Variants in CDH7 observed in about 807,000 individuals in gnomAD.
The protein encoded by CDH7 is cadherin-7.
CDH7 carries 25 observed loss-of-function variants against 71.8 expected under a neutral mutation model. The ratio of observed to expected loss-of-function variants is 0.35; its 90% CI spans 0.25 to 0.49. CDH7 has a LOEUF of 0.49. Among genes scored for constraint, CDH7 ranks in the 20% least tolerant of loss-of-function variants. The pLI is 0.99. For missense variants in CDH7, 862 were observed against 974.6 expected (o/e 0.88, Z 1.54); for synonymous variants, 381 against 363.8 (o/e 1.05, Z -0.54).
chr18:65,772,004 G>A (rs1568176557), intron 2 of CDH7, among the ~76,000 whole-genome samples: 2 of 152,156 alleles, frequency 1.3e-5, no homozygotes, highest in East Asian at 1.9e-4. Context: ...ATTCTAGCAA[G>A]TTGTGTGTGT....
intron 1 of CDH7, among the ~76,000 whole-genome samples, chr18:65,752,883 A>G (rs1441457790): frequency 2.0e-5 from 3 of 152,244 alleles, no homozygotes; most frequent in African/African-American, 7.2e-5. Flanking sequence ...GTGCACTTAC[A>G]ACGTGAGATA....
At chr18:65,872,339 T>A (rs1460409920) in intron 11 of CDH7, among the ~76,000 whole-genome samples, 1 of 152,010 alleles carries the variant, frequency 6.6e-6, no homozygotes, top group Middle Eastern at 3.2e-3. Flanking sequence ...TATAAGAAAG[T>A]GGAAATGTGG....
intron 4 of CDH7, 130 bp downstream of exon 4, chr18:65,814,734 G>A (rs1186267150): frequency 4.2e-5 from 29 of 692,832 alleles, no homozygotes; most frequent in Non-Finnish European, 5.8e-5. Flanking sequence ...TGTCTACTTT[G>A]GTAAGCATGA....
intron 2 of CDH7, among the ~76,000 whole-genome samples, chr18:65,809,268 G>T (rs1243582550): frequency 6.6e-6 from 1 of 152,060 alleles, no homozygotes; most frequent in Admixed American, 6.5e-5. Context: ...TAATATGGGG[G>T]TTTCTAAGCA....
chr18:65,827,646 C>T (rs1912181796), intron 6 of CDH7, among the ~76,000 whole-genome samples: 1 of 151,862 alleles, frequency 6.6e-6, no homozygotes, highest in Non-Finnish European at 1.5e-5. Flanking sequence ...CGCAAACTTG[C>T]TTTCAGTTTT....
rs7228436 is a variant in CDH7, at chr18:65,814,178, A to T, written c.506-307A>T. On this transcript the variant is annotated intron_variant, in intron 3 of 11. Coordinates refer to ENST00000397968, the MANE Select transcript of CDH7 (RefSeq NM_004361.5). ...ATATTACCTGAGCCCAATGGATGAG[A>T]CACCTAAAGTTTCAGTCCCATCCAA... Among the ~76,000 whole-genome samples the T allele has an allele frequency of 0.22, 34,095 of 151,946 alleles. 4,098 individuals carry two copies. Among genetic ancestry groups the T allele is most frequent in the Non-Finnish European group, 0.27 (18,317 of 67,944 alleles).
intron 2 of CDH7, among the ~76,000 whole-genome samples, chr18:65,781,701 G>A (rs1910193588): frequency 6.6e-6 from 1 of 151,630 alleles, no homozygotes; most frequent in Admixed American, 6.6e-5. Flanking sequence ...ATACTTAAGA[G>A]GAGAACTACA....
At chr18:65,767,089 C>CTTTTTT (rs35258266) in intron 2 of CDH7, among the ~76,000 whole-genome samples, 2 of 139,958 alleles carry the variant, frequency 1.4e-5, no homozygotes, top group Admixed American at 7.1e-5. Context: ...ATCACTCTTT[C>CTTTTTT]TTTCTTTTTT....
At chr18:65,875,128 C>A (rs1172902408) in intron 11 of CDH7, among the ~76,000 whole-genome samples, 1 of 152,096 alleles carries the variant, frequency 6.6e-6, no homozygotes, top group Non-Finnish European at 1.5e-5. Context: ...ATGTGTGGCC[C>A]AAGACAATTC....
Position 65,880,511 on chromosome 18 carries a change from G to A in CDH7, c.1975G>A (p.Gly659Arg). ...NIVRYDDEGG[G>R]EEDTEAFDMA... ...TGTGAGATACGATGACGAGGGCGGG[G>A]GAGAGGAGGACACGGAAGCGTTTGA... The change falls in exon 12 of 12, where the codon GGA (glycine) becomes AGA (arginine). Residue 659 changes from glycine (G) to arginine (R), a missense_variant. By Grantham distance (125) the Gly-to-Arg change is moderately radical. Transcript: ENST00000397968. 1 of 1,612,910 alleles carries A rather than the reference G, an allele frequency of 6.2e-7. No individual in the cohort carries two copies. Among genetic ancestry groups the A allele is most frequent in the Admixed American group, 1.7e-5 (1 of 59,722 alleles).
At chr18:65,803,985 T>A (rs12968198) in intron 2 of CDH7, among the ~76,000 whole-genome samples, 90,360 of 151,826 alleles carry the variant, frequency 0.6, 28,848 homozygotes, top group East Asian at 0.97. Context: ...AACGTTCATT[T>A]TAAGGAAAAC....
intron 3 of CDH7, among the ~76,000 whole-genome samples, chr18:65,810,539 A>G (rs537521207): frequency 6.6e-6 from 1 of 152,296 alleles, no homozygotes; most frequent in South Asian, 2.1e-4. Flanking sequence ...GGCCATACAC[A>G]TGCCACCACT....
intron 6 of CDH7, among the ~76,000 whole-genome samples, chr18:65,829,220 C>A (rs907316768): frequency 2.0e-4 from 30 of 151,958 alleles, no homozygotes; most frequent in African/African-American, 6.3e-4. Flanking sequence ...CCCGGGTTCA[C>A]GCCATTCTCC....
chr18:65,825,907 G>A (rs923684944), intron 6 of CDH7, among the ~76,000 whole-genome samples: 5 of 151,566 alleles, frequency 3.3e-5, no homozygotes, highest in African/African-American at 1.2e-4. Context: ...AATTCAGTAA[G>A]GTACAATGCT....
chr18:65,753,226 G>A (rs1047683554), intron 1 of CDH7, among the ~76,000 whole-genome samples: 1 of 152,166 alleles, frequency 6.6e-6, no homozygotes, highest in African/African-American at 2.4e-5. Context: ...TGATGGCAAA[G>A]CTGATATAAA....
intron 3 of CDH7, among the ~76,000 whole-genome samples, chr18:65,813,145 C>A (rs778963159): frequency 6.6e-6 from 1 of 152,106 alleles, no homozygotes; most frequent in Non-Finnish European, 1.5e-5. Context: ...CCAGCCTGAC[C>A]AACATGGAGA....
At chr18:65,806,572 G>T (rs1327423331) in intron 2 of CDH7, among the ~76,000 whole-genome samples, 1 of 151,790 alleles carries the variant, frequency 6.6e-6, no homozygotes, top group Admixed American at 6.6e-5. Context: ...ATCATAGTTT[G>T]TTTTTTTCTT....
chr18:65,815,323 G>A (rs1911687520), intron 4 of CDH7, among the ~76,000 whole-genome samples: 1 of 152,028 alleles, frequency 6.6e-6, no homozygotes, highest in Admixed American at 6.6e-5. Context: ...ATATTAGCGG[G>A]TGTGTGTCAC....
chr18:65,872,414 G>T (rs1054799743), intron 11 of CDH7, among the ~76,000 whole-genome samples: 2 of 152,094 alleles, frequency 1.3e-5, no homozygotes, highest in African/African-American at 4.8e-5. Context: ...TAAATTGTTG[G>T]CTGGAAAATT....
Sources: allele counts gnomAD v4.1 joint callset (sites outside exome capture counted in the v4.1 genomes callset), GRCh38; gene constraint gnomAD v4.1.1; transcripts MANE v1.5; gene names NCBI Gene and HGNC (gene_info 2026-07-23, HGNC 2026-07-21).